Variants in NCAPH2 observed in about 807,000 individuals in gnomAD.
The protein encoded by NCAPH2 is condensin-2 complex subunit H2.
In NCAPH2, 56 loss-of-function variants were observed where a neutral mutation model predicts 88.6. The observed-to-expected ratio is 0.63, with a 90% CI of 0.51 to 0.79. The LOEUF (loss-of-function observed/expected upper bound fraction) is 0.79, where lower values mean the gene tolerates loss of function less well. NCAPH2 is among the 30% of genes least tolerant of loss of function. The probability of loss-of-function intolerance (pLI) is 0.00; values close to 1 mark genes in which losing one functional copy is unlikely to be tolerated. For synonymous variants in NCAPH2, 378 were observed against 313.6 expected (o/e 1.21, Z -2.17); for missense variants, 794 against 792.0 (o/e 1.00, Z -0.03).
chr22:50,519,635 C>T (rs2069029094), intron 9 of NCAPH2: 2 of 1,192,682 alleles, frequency 1.7e-6, no homozygotes, highest in East Asian at 8.1e-5. Context: ...TGCAGTCGGG[C>T]TGGTAGGAGG....
intron 3 of NCAPH2, 25 bp downstream of exon 3, chr22:50,517,507 G>A: frequency 6.2e-7 from 1 of 1,614,028 alleles, no homozygotes; most frequent in African/African-American, 1.3e-5. Flanking sequence ...CACTCACTGT[G>A]CTGCCCTGCA....
In NCAPH2 at chr22:50,524,457, G is replaced by A. The variant is rs762819573; in HGVS notation, c.*1082G>A. On this transcript the variant is annotated 3_prime_UTR_variant, in exon 20 of 20. Coordinates refer to ENST00000420993, the MANE Select transcript of NCAPH2 (RefSeq NM_152299.4). The stretch of plus-strand genomic sequence containing the variant: ...CAAGCACAGGCGTCAGGAGCCAGAA[G>A]GGAAGGCCCAGGACAGTGCCTGGGC... 8.8e-6 allele frequency: 14 copies of A among 1,597,614 alleles called. No homozygotes were observed. In the African/African-American group the frequency reaches 1.2e-4, roughly 14 times the overall value.
intron 7 of NCAPH2, 82 bp from the exon 8 acceptor site, chr22:50,518,567 T>G: frequency 7.2e-7 from 1 of 1,396,940 alleles, no homozygotes; most frequent in Non-Finnish European, 9.8e-7. Context: ...TGCTGGCCCC[T>G]TGGAGAGGCT....
In NCAPH2 at chr22:50,516,433, G is replaced by A; in HGVS notation, c.109-14G>A. On this transcript the variant is annotated splice_polypyrimidine_tract_variant and intron_variant, in intron 1 of 19. Coordinates refer to ENST00000420993, the MANE Select transcript of NCAPH2 (RefSeq NM_152299.4). ...GGCCTTGGATTCCCCCTGTCTTTGT[G>A]TTGTTTCTTGCAGCTGGATCAGATC... The A allele has an allele frequency of 6.2e-7, 1 of 1,613,756 alleles. No homozygotes were observed. Among genetic ancestry groups the A allele is most frequent in the African/African-American group, 1.3e-5 (1 of 75,056 alleles).
At chr22:50,519,681 C>T in intron 9 of NCAPH2, 2 of 1,118,248 alleles carry the variant, frequency 1.8e-6, no homozygotes, top group Non-Finnish European at 2.2e-6. Context: ...CCCTCAACCC[C>T]CGGGGTCAAC....
chr22:50,514,404 T>C (rs1311360285), intron 1 of NCAPH2, among the ~76,000 whole-genome samples: 1 of 151,682 alleles, frequency 6.6e-6, no homozygotes, highest in Non-Finnish European at 1.5e-5. Flanking sequence ...AACCCCTGGG[T>C]TTCTGGGCAG....
In NCAPH2 at chr22:50,523,258, A is replaced by C. The variant is rs1198613523; in HGVS notation, c.1701A>C (p.Ile567=). 3.7e-6 allele frequency: 6 copies of C among 1,612,264 alleles called. No individual in the cohort carries two copies. Among genetic ancestry groups the C allele is most frequent in the Non-Finnish European group, 5.1e-6 (6 of 1,179,380 alleles). The change falls in exon 20 of 20, where the codon ATA becomes ATC. Residue 567 remains isoleucine (I), a synonymous_variant. Coordinates refer to ENST00000420993, the MANE Select transcript of NCAPH2 (RefSeq NM_152299.4). ...AGGCCAATGACTACACAGTGGAGAT[A>C]ACCCAGCAGCCCGGGCTGGAGATGG... is the stretch of plus-strand genomic sequence containing the variant. ...LQLANDYTVE[I]TQQPGLEMAV...
chr22:50,516,316 C>T, intron 1 of NCAPH2, 131 bp from the exon 2 acceptor site: 2 of 733,422 alleles, frequency 2.7e-6, no homozygotes, highest in South Asian at 3.3e-5. Context: ...AACCGGTGAG[C>T]CCACAGCATA....
intron 9 of NCAPH2, 171 bp from the exon 10 acceptor site, chr22:50,520,794 C>T (rs2148665579): frequency 3.1e-6 from 2 of 653,742 alleles, no homozygotes; most frequent in African/African-American, 1.8e-5. Flanking sequence ...AACTCTTGAC[C>T]TCGGGTGATC....
At chr22:50,516,079 A>G (rs1215385579) in intron 1 of NCAPH2, among the ~76,000 whole-genome samples, 1 of 152,060 alleles carries the variant, frequency 6.6e-6, no homozygotes, top group East Asian at 1.9e-4. Context: ...AGACCTCAGC[A>G]TTTTATCTCT....
At chr22:50,517,534 C>T (rs749111633) in intron 3 of NCAPH2, 43 bp from the exon 4 acceptor site, 6 of 1,614,036 alleles carry the variant, frequency 3.7e-6, no homozygotes, top group Non-Finnish European at 4.2e-6. Flanking sequence ...CAGGGAGGCC[C>T]CTGCAGCTCC....
chr22:50,516,596 C>T (rs2068930926), intron 2 of NCAPH2, 48 bp downstream of exon 2: 2 of 1,551,196 alleles, frequency 1.3e-6, no homozygotes, highest in East Asian at 2.3e-5. Context: ...GCCAGTGGGA[C>T]CACAGTCGGC....
At position 50,523,904 on chromosome 22, in the gene NCAPH2, C is replaced by G. The variant is rs753614511; in HGVS notation, c.*529C>G. 7.4e-6 allele frequency: 12 copies of G among 1,613,648 alleles called. No individual in the cohort carries two copies. The highest frequency in any genetic ancestry group is 1.3e-5 in the African/African-American group (1 of 74,920). On this transcript the variant is annotated 3_prime_UTR_variant, in exon 20 of 20. Coordinates refer to ENST00000420993, the MANE Select transcript of NCAPH2 (RefSeq NM_152299.4). The stretch of plus-strand genomic sequence containing the variant: ...GCCATGGCTTCAACGTCGTCCCGCT[C>G]GGGGTCCACAGTGATGAAGACAGGC...
intron 1 of NCAPH2, 54 bp downstream of exon 1, chr22:50,508,499 C>CTGGGGGGG: frequency 2.9e-6 from 1 of 350,300 alleles, no homozygotes; most frequent in Non-Finnish European, 5.0e-6. Flanking sequence ...GGCTGCGGGG[C>CTGGGGGGG]GGGGGCTCCG....
At chr22:50,517,879 A>T in intron 5 of NCAPH2, 70 bp downstream of exon 5, 2 of 1,604,864 alleles carry the variant, frequency 1.2e-6, no homozygotes, top group Non-Finnish European at 1.7e-6. Flanking sequence ...TGTTGAGCTG[A>T]TGGGGTGTGG....
intron 5 of NCAPH2, 69 bp from the exon 6 acceptor site, chr22:50,517,904 C>T: frequency 4.4e-6 from 7 of 1,603,052 alleles, no homozygotes; most frequent in Non-Finnish European, 6.0e-6. Context: ...GTGTCATTGC[C>T]CCATGTGGGT....
At chr22:50,522,468 C>G in intron 15 of NCAPH2, 33 bp from the exon 16 acceptor site, 8 of 1,613,484 alleles carry the variant, frequency 5.0e-6, no homozygotes, top group Middle Eastern at 1.6e-4. Context: ...GACTAGCTGC[C>G]TGCGTGCTGT....
intron 7 of NCAPH2, 142 bp downstream of exon 7, chr22:50,518,420 C>T: frequency 7.8e-7 from 1 of 1,286,270 alleles, no homozygotes. Context: ...GACAGGTTGG[C>T]TGGTGCTCAT....
intron 2 of NCAPH2, among the ~76,000 whole-genome samples, chr22:50,516,804 A>G (rs2068936833): frequency 6.6e-6 from 1 of 152,154 alleles, no homozygotes; most frequent in African/African-American, 2.4e-5. Flanking sequence ...GTGCACTTGG[A>G]CACAGCCCAG....
Sources: gnomAD v4.1 joint callset for allele counts (sites outside exome capture counted in the v4.1 genomes callset) on GRCh38, gnomAD v4.1.1 for gene constraint, MANE v1.5 for transcripts, NCBI Gene and HGNC (gene_info 2026-07-23, HGNC 2026-07-21) for gene names.